LIMCH1: variants seen among roughly 807,000 people sequenced by gnomAD.
LIMCH1 encodes the protein LIM and calponin homology domains 1.
LIMCH1 carries 113 observed loss-of-function variants against 176.5 expected under a neutral mutation model. The ratio of observed to expected loss-of-function variants is 0.64; its 90% CI spans 0.55 to 0.75. The LOEUF (loss-of-function observed/expected upper bound fraction) is 0.75. Ranked by LOEUF, LIMCH1 falls within the 30% of genes least tolerant of loss-of-function variation. The probability of loss-of-function intolerance (pLI) is 0.00; values close to 1 mark genes in which losing one functional copy is unlikely to be tolerated. For synonymous variants in LIMCH1, 619 were observed against 645.9 expected (o/e 0.96, Z 0.63); for missense variants, 1,674 against 1,814.9 (o/e 0.92, Z 1.41).
chr4:41,502,417 T>C (rs1237958461), intron 2 of LIMCH1, among the ~76,000 whole-genome samples: 2 of 152,272 alleles, frequency 1.3e-5, no homozygotes, highest in Middle Eastern at 3.4e-3. Flanking sequence ...TTCCTTTGGG[T>C]ATATACCCAG....
chr4:41,493,124 C>T (rs1218070643), intron 1 of LIMCH1, among the ~76,000 whole-genome samples: 1 of 151,962 alleles, frequency 6.6e-6, no homozygotes, highest in Non-Finnish European at 1.5e-5. Flanking sequence ...TTGGATCCTG[C>T]TTTTTTAGCC....
At chr4:41,558,542 C>T (rs1349006625) in intron 1 of LIMCH1, among the ~76,000 whole-genome samples, 1 of 152,108 alleles carries the variant, frequency 6.6e-6, no homozygotes, top group African/African-American at 2.4e-5. Context: ...CCTCCCAATG[C>T]CATTACCGTC....
chr4:41,570,719 T>G (rs933479645), intron 1 of LIMCH1, among the ~76,000 whole-genome samples: 1 of 152,064 alleles, frequency 6.6e-6, no homozygotes, highest in Admixed American at 6.6e-5. Flanking sequence ...TAGGCAAAGG[T>G]TAAAGACAGA....
intron 22 of LIMCH1, 33 bp from the exon 23 acceptor site, chr4:41,676,349 C>G: frequency 6.3e-7 from 1 of 1,581,720 alleles, no homozygotes; most frequent in South Asian, 1.1e-5. Flanking sequence ...GGACATGGCT[C>G]AATTCTGATC....
At chr4:41,666,468 C>A in intron 20 of LIMCH1, 93 bp from the exon 21 acceptor site, 1 of 760,046 alleles carries the variant, frequency 1.3e-6, no homozygotes, top group Non-Finnish European at 2.2e-6. Context: ...TGAATGACTT[C>A]TATAACAGCC....
chr4:41,524,707 T>C (rs960700746), intron 3 of LIMCH1, among the ~76,000 whole-genome samples: 2 of 152,228 alleles, frequency 1.3e-5, no homozygotes, highest in Non-Finnish European at 2.9e-5. Flanking sequence ...GGACCTTCAT[T>C]CTCAAAGAGC....
chr4:41,430,161 A>G (rs2061467504), intron 1 of LIMCH1, among the ~76,000 whole-genome samples: 1 of 152,228 alleles, frequency 6.6e-6, no homozygotes, highest in African/African-American at 2.4e-5. Flanking sequence ...TTCTAATTCT[A>G]GAGAAATTAT....
chr4:41,624,326 T>A (rs1046232081), intron 7 of LIMCH1, among the ~76,000 whole-genome samples: 1 of 151,952 alleles, frequency 6.6e-6, no homozygotes, highest in Non-Finnish European at 1.5e-5. Flanking sequence ...TAAAAAAACC[T>A]CCGAGGAACA....
intron 1 of LIMCH1, among the ~76,000 whole-genome samples, chr4:41,546,219 A>G (rs1461354988): frequency 6.6e-6 from 1 of 151,618 alleles, no homozygotes. Flanking sequence ...GCTCACTGCA[A>G]CCTCCACCTC....
At chr4:41,544,993 C>G (rs1380546131) in intron 1 of LIMCH1, among the ~76,000 whole-genome samples, 2 of 152,162 alleles carry the variant, frequency 1.3e-5, no homozygotes, top group Admixed American at 1.3e-4. Flanking sequence ...TGTTTCCATT[C>G]TGAAAGGAAC....
chr4:41,416,992 T>G (rs1354196657), intron 1 of LIMCH1, among the ~76,000 whole-genome samples: 1 of 152,200 alleles, frequency 6.6e-6, no homozygotes, highest in Non-Finnish European at 1.5e-5. Flanking sequence ...GGCAAAGACA[T>G]GTGCAACTGG....
intron 5 of LIMCH1, 151 bp downstream of exon 5, chr4:41,613,812 G>C (rs1400857876): frequency 2.9e-6 from 2 of 697,486 alleles, no homozygotes; most frequent in South Asian, 2.0e-5. Context: ...GAAAAAAGAA[G>C]TCTTTGAATG....
chr4:41,473,189 A>G, intron 1 of LIMCH1: 4 of 985,156 alleles, frequency 4.1e-6, no homozygotes, highest in Non-Finnish European at 3.6e-6. Context: ...GAGTGAGAAG[A>G]GGAAAGGTGT....
At chr4:41,432,869 A>G (rs1468192877) in intron 1 of LIMCH1, among the ~76,000 whole-genome samples, 1 of 152,208 alleles carries the variant, frequency 6.6e-6, no homozygotes, top group Non-Finnish European at 1.5e-5. Context: ...TCTGGTGCAT[A>G]ATGTTCCAAT....
intron 1 of LIMCH1, among the ~76,000 whole-genome samples, chr4:41,565,376 C>T (rs973398608): frequency 2.0e-4 from 30 of 146,498 alleles, no homozygotes; most frequent in African/African-American, 7.5e-4. Context: ...CACACACACA[C>T]ACACACATAC....
At chr4:41,687,649 A>G (rs954537770) in intron 28 of LIMCH1, among the ~76,000 whole-genome samples, 191 bp from the exon 29 acceptor site, 1 of 152,014 alleles carries the variant, frequency 6.6e-6, no homozygotes, top group Non-Finnish European at 1.5e-5. Flanking sequence ...TACATGTACA[A>G]TTCTTGCTAG....
At chr4:41,578,353 G>A (rs919944387) in intron 1 of LIMCH1, among the ~76,000 whole-genome samples, 6 of 152,078 alleles carry the variant, frequency 3.9e-5, no homozygotes, top group East Asian at 3.9e-4. Context: ...CCCATGAGCC[G>A]ATCACCTCTC....
intron 1 of LIMCH1, among the ~76,000 whole-genome samples, chr4:41,563,265 G>T (rs538248119): frequency 5.9e-5 from 9 of 152,062 alleles, no homozygotes; most frequent in Non-Finnish European, 1.3e-4. Context: ...AGAGATTATG[G>T]ATAAAAGGGG....
chr4:41,584,001 T>TATG (rs1322605919), intron 1 of LIMCH1, among the ~76,000 whole-genome samples: 6 of 152,146 alleles, frequency 3.9e-5, no homozygotes, highest in Admixed American at 2.0e-4. Context: ...GATCTGTAAA[T>TATG]ATGATAGGGA....
Sources: gnomAD v4.1 joint callset for allele counts (sites outside exome capture counted in the v4.1 genomes callset) on GRCh38, gnomAD v4.1.1 for gene constraint, MANE v1.5 for transcripts, NCBI Gene and HGNC (gene_info 2026-07-23, HGNC 2026-07-21) for gene names.